SLC25A21: variants seen among roughly 807,000 people sequenced by gnomAD.
SLC25A21 encodes mitochondrial 2-oxodicarboxylate carrier.
SLC25A21 carries 47 observed loss-of-function variants against 43.8 expected under a neutral mutation model. That is an observed-to-expected ratio of 1.07 (90% CI 0.85 to 1.37). SLC25A21 has a LOEUF of 1.37. Ranked by LOEUF, SLC25A21 falls within the 40% of genes most tolerant of loss-of-function variation. The pLI is 0.00. For missense variants in SLC25A21, 352 were observed against 350.2 expected (o/e 1.00, Z -0.04); for synonymous variants, 131 against 121.3 (o/e 1.08, Z -0.52).
chr14:36,913,364 C>T (rs1198553143), intron 1 of SLC25A21, among the ~76,000 whole-genome samples: 1 of 152,174 alleles, frequency 6.6e-6, no homozygotes, highest in Non-Finnish European at 1.5e-5. Flanking sequence ...TCATGGGTCA[C>T]TGCAACCTCC....
rs113121852 is a variant in SLC25A21 at position 36,705,207 on chromosome 14, AT to A, written c.603+6110del. ...TGGCGCCCGCCACCATGCCTGGTTA[AT>A]TTTTTTTTTTGTATTTTTAGTAGAG... On this transcript the variant is annotated intron_variant, in intron 7 of 9. Transcript: ENST00000331299. Among the ~76,000 whole-genome samples the A allele has an allele frequency of 4.4e-4, 65 of 147,204 alleles. 1 individual carries two copies. The highest frequency in any genetic ancestry group is 6.9e-4 in the African/African-American group (28 of 40,540).
Position 36,680,239 on chromosome 14 carries a change from T to TA in SLC25A21, c.*418dup. 1 of 935,410 alleles carries TA rather than the reference T, an allele frequency of 1.1e-6. No individual in the cohort carries two copies. The highest frequency in any genetic ancestry group is 1.8e-5 in the African/African-American group (1 of 56,220). 57.9% of individuals were successfully genotyped at this position (935,410 alleles called of 1,614,324 possible). A position where few individuals can be genotyped will look rare whatever the true frequency, so the allele number is the denominator to read the frequency against. On this transcript the variant is annotated 3_prime_UTR_variant, in exon 10 of 10. Coordinates refer to ENST00000331299, the MANE Select transcript of SLC25A21 (RefSeq NM_030631.4). ...CTTAAATTTTGGCTTAACTTTTTTT[T>TA]AATCCAGTCTTTGAATAATTTGATT...
chr14:37,134,648 TAA>T (rs11347791), intron 1 of SLC25A21, among the ~76,000 whole-genome samples: 282 of 122,648 alleles, frequency 2.3e-3, no homozygotes, highest in Non-Finnish European at 3.0e-3. Context: ...ACTCCATCTC[TAA>T]AAAAAAAAAA....
At chr14:36,856,045 A>C (rs1174348308) in intron 2 of SLC25A21, among the ~76,000 whole-genome samples, 1 of 152,170 alleles carries the variant, frequency 6.6e-6, no homozygotes, top group Non-Finnish European at 1.5e-5. Flanking sequence ...CAAAGTGTCA[A>C]TAGAGTCGAG....
chr14:37,131,395 T>C (rs1238783091), intron 1 of SLC25A21, among the ~76,000 whole-genome samples: 1 of 152,226 alleles, frequency 6.6e-6, no homozygotes, highest in African/African-American at 2.4e-5. Context: ...TGCTGCATAC[T>C]AAACAAGATG....
Position 36,886,777 on chromosome 14 carries a change from T to C in SLC25A21, c.71-11773A>G, listed in dbSNP as rs150391674. On this transcript the variant is annotated intron_variant, in intron 1 of 9. Transcript: ENST00000331299. ...TTTATGTAAGTCAATTTCAGCTCAA[T>C]ATAATGTCTTTAAAAAATATTGTTT... 1.2e-3 allele frequency among the ~76,000 whole-genome samples: 180 copies of C among 152,298 alleles called. 1 individual carries two copies. Among genetic ancestry groups the C allele is most frequent in the Admixed American group, 4.2e-3 (64 of 15,296 alleles).
intron 3 of SLC25A21, among the ~76,000 whole-genome samples, chr14:36,744,035 T>C (rs10139088): frequency 0.19 from 28,415 of 151,966 alleles, 4,849 homozygotes; most frequent in African/African-American, 0.46. Context: ...AAAAGAATCA[T>C]AGATGACACA....
intron 1 of SLC25A21, among the ~76,000 whole-genome samples, chr14:36,967,799 G>A (rs191179256): frequency 6.6e-6 from 1 of 152,322 alleles, no homozygotes; most frequent in African/African-American, 2.4e-5. Context: ...CTGAGGCAGG[G>A]AAGATGGACA....
chr14:36,860,645 C>T (rs1473186553), intron 2 of SLC25A21, among the ~76,000 whole-genome samples: 4 of 152,196 alleles, frequency 2.6e-5, no homozygotes, highest in Non-Finnish European at 5.9e-5. Flanking sequence ...AACGAGTTCT[C>T]ACTTTAGGAG....
At chr14:36,901,784 AG>A (rs1891405615) in intron 1 of SLC25A21, among the ~76,000 whole-genome samples, 1 of 152,176 alleles carries the variant, frequency 6.6e-6, no homozygotes, top group African/African-American at 2.4e-5. Context: ...GGCAAAATAA[AG>A]GCTATTTAGA....
At chr14:36,990,491 T>C (rs1027713517) in intron 1 of SLC25A21, among the ~76,000 whole-genome samples, 4 of 152,172 alleles carry the variant, frequency 2.6e-5, no homozygotes, top group African/African-American at 7.2e-5. Flanking sequence ...ATTCTGTACA[T>C]GGAAATGAAA....
At chr14:36,910,731 C>T (rs1025233961) in intron 1 of SLC25A21, among the ~76,000 whole-genome samples, 2 of 152,162 alleles carry the variant, frequency 1.3e-5, no homozygotes, top group South Asian at 2.1e-4. Context: ...CATGAAAATG[C>T]TAAGCATTCA....
chr14:36,693,083 G>A (rs1882860141), intron 7 of SLC25A21, among the ~76,000 whole-genome samples: 1 of 152,218 alleles, frequency 6.6e-6, no homozygotes, highest in Admixed American at 6.5e-5. Context: ...GCAAGCTGGA[G>A]GTGGTACCTA....
At chr14:37,093,178 C>A (rs1388423310) in intron 1 of SLC25A21, among the ~76,000 whole-genome samples, 1 of 152,118 alleles carries the variant, frequency 6.6e-6, no homozygotes, top group Non-Finnish European at 1.5e-5. Context: ...AAACAAAGTT[C>A]TCATTATATT....
intron 1 of SLC25A21, among the ~76,000 whole-genome samples, chr14:36,981,216 AG>A (rs1960013343): frequency 6.6e-6 from 1 of 152,228 alleles, no homozygotes; most frequent in Non-Finnish European, 1.5e-5. Context: ...GTGGAGAAAT[AG>A]GAACGCTTTT....
chr14:36,768,940 A>AAAC (rs60082253), intron 3 of SLC25A21, among the ~76,000 whole-genome samples: 1,479 of 147,294 alleles, frequency 0.01, 30 homozygotes, highest in African/African-American at 0.035. Context: ...TACCAAAAAA[A>AAAC]AAAAAAACAA....
intron 1 of SLC25A21, among the ~76,000 whole-genome samples, chr14:37,110,124 T>C (rs1477347248): frequency 6.6e-6 from 1 of 152,210 alleles, no homozygotes. Context: ...GTATAATTGC[T>C]GTAAAACAAT....
intron 1 of SLC25A21, among the ~76,000 whole-genome samples, chr14:37,116,543 GT>G (rs1963110066): frequency 2.0e-5 from 3 of 152,046 alleles, no homozygotes; most frequent in South Asian, 4.1e-4. Context: ...CATTTTCAAA[GT>G]TTGTGATTAA....
intron 3 of SLC25A21, among the ~76,000 whole-genome samples, chr14:36,812,041 T>G (rs981804022): frequency 3.9e-5 from 6 of 152,160 alleles, no homozygotes; most frequent in Admixed American, 3.3e-4. Flanking sequence ...GTCAAAGGAT[T>G]AGTATCTATA....
Sources: gnomAD v4.1 joint callset for allele counts (sites outside exome capture counted in the v4.1 genomes callset) on GRCh38, gnomAD v4.1.1 for gene constraint, MANE v1.5 for transcripts, NCBI Gene and HGNC (gene_info 2026-07-23, HGNC 2026-07-21) for gene names.